Variants in TGM5 observed in about 807,000 individuals in gnomAD.
TGM5 encodes the protein transglutaminase 5.
A neutral mutation model predicts 77.2 loss-of-function variants in TGM5; 69 were observed. The observed-to-expected ratio is 0.89, with a 90% CI of 0.74 to 1.09. TGM5 has a LOEUF of 1.09. TGM5 is among the 50% of genes least tolerant of loss of function. The pLI, the probability that TGM5 is intolerant of heterozygous loss-of-function variation, is 0.00. For missense variants in TGM5, 842 were observed against 896.5 expected, an observed-to-expected ratio of 0.94 and a Z score of 0.78; for synonymous variants, 346 against 351.8, an observed-to-expected ratio of 0.98 and a Z score of 0.18.
intron 1 of TGM5, among the ~76,000 whole-genome samples, chr15:43,261,521 AAC>A (rs1408432485): frequency 6.6e-6 from 1 of 152,162 alleles, no homozygotes; most frequent in Non-Finnish European, 1.5e-5. Flanking sequence ...CCTCTGCTAA[AAC>A]ACAGACTGAC....
chr15:43,264,911 G>A (rs1000780407), intron 1 of TGM5, among the ~76,000 whole-genome samples: 14 of 152,088 alleles, frequency 9.2e-5, no homozygotes, highest in Non-Finnish European at 1.8e-4. Flanking sequence ...TCATAAACTA[G>A]TTTTTTATTA....
chr15:43,265,492 C>T (rs112408814), intron 1 of TGM5, among the ~76,000 whole-genome samples: 2,390 of 152,322 alleles, frequency 0.016, 49 homozygotes, highest in African/African-American at 0.054. Flanking sequence ...GACAAAATTC[C>T]ATCCTCTAGA....
intron 6 of TGM5, among the ~76,000 whole-genome samples, chr15:43,241,729 G>T (rs1339934065): frequency 6.6e-6 from 1 of 151,928 alleles, no homozygotes; most frequent in Non-Finnish European, 1.5e-5. Flanking sequence ...CTCCTCCCGG[G>T]TTCAAGCAAT....
intron 11 of TGM5, 77 bp from the exon 12 acceptor site, chr15:43,233,764 G>T: frequency 6.4e-7 from 1 of 1,568,664 alleles, no homozygotes; most frequent in Non-Finnish European, 8.7e-7. Context: ...GCACCATTCT[G>T]TAAGGTGGCA....
chr15:43,258,010 T>C (rs1023829734), intron 3 of TGM5, among the ~76,000 whole-genome samples: 75 of 152,004 alleles, frequency 4.9e-4, no homozygotes, highest in Non-Finnish European at 3.2e-4. Flanking sequence ...TTCTCACTCA[T>C]AGGTGGGAAT....
intron 1 of TGM5, among the ~76,000 whole-genome samples, chr15:43,262,434 C>T (rs1346324563): frequency 2.6e-5 from 4 of 152,142 alleles, no homozygotes; most frequent in Non-Finnish European, 4.4e-5. Context: ...AGTGAATCAG[C>T]GAATTCAACA....
Position 43,235,513 on chromosome 15 carries a change from G to A in TGM5, c.1670C>T (p.Pro557Leu). ...GATGAACGCTGTGTCCTGCCAGAAT[G>A]GGGACAGGGGGCTGCCATCGTGCAG... ...SLLHDGSPLS[P>L]FWQDTAFITL... The change falls in exon 10 of 13, where the codon CCA becomes CTA. Residue 557 changes from proline (P) to leucine (L), a missense_variant. Pro to Leu is a moderately conservative substitution (Grantham distance 98). Coordinates refer to ENST00000220420, the MANE Select transcript of TGM5 (RefSeq NM_201631.4). The A allele has an allele frequency of 2.5e-6, 4 of 1,614,192 alleles. No individual in the cohort carries two copies. Among genetic ancestry groups the A allele is most frequent in the Non-Finnish European group, 3.4e-6 (4 of 1,180,030 alleles).
rs2042777710 is a variant in TGM5 at position 43,260,507 on chromosome 15, A to G, written c.83T>C (p.Val28Ala). The change falls in exon 2 of 13, where the codon GTG (valine) becomes GCG (alanine). Residue 28 changes from valine (V) to alanine (A), a missense_variant. This residue lies in a region of TGM5 where 815 missense variants were observed against 844.6 expected (regional missense o/e 0.96). Transcript: ENST00000220420. ...NVRHHTEEIT[V>A]DHLLVRRGQA... ...GCCCCGGCGAACAAGCAGGTGGTCC[A>G]CAGTGATCTCCTCCGTGTGGTGCCG... 2 of 1,614,188 alleles carry G rather than the reference A, an allele frequency of 1.2e-6. No homozygotes were observed. The highest frequency in any genetic ancestry group is 1.1e-5 in the South Asian group (1 of 91,072).
intron 10 of TGM5, 68 bp downstream of exon 10, chr15:43,235,401 T>TTGGC (rs1831385402): frequency 6.2e-7 from 1 of 1,610,342 alleles, no homozygotes; most frequent in Non-Finnish European, 8.5e-7. Flanking sequence ...CAGAACCCTG[T>TTGGC]TGGCTGGCTT....
chr15:43,240,794 C>A (rs2042629715), intron 7 of TGM5, 58 bp downstream of exon 7: 1 of 1,610,626 alleles, frequency 6.2e-7, no homozygotes. Flanking sequence ...CTTCCTCCTG[C>A]CATGGGGCTT....
chr15:43,260,531 C>G lies in TGM5; in HGVS notation c.59G>C (p.Arg20Pro), dbSNP rs750713894. The G allele has an allele frequency of 1.2e-6, 2 of 1,614,106 alleles. No homozygotes were observed. The highest frequency in any genetic ancestry group is 2.2e-5 in the East Asian group (1 of 44,876). ...CACAGTGATCTCCTCCGTGTGGTGC[C>G]GCACATTATTTCTGGAGCTCTGGAG... is the stretch of plus-strand genomic sequence containing the variant. ...TDLQSSRNNV[R>P]HHTEEITVDH... Residue 20 changes from arginine to proline, a missense_variant, in exon 2 of 13, where the codon CGG (arginine) becomes CCG (proline). Coordinates refer to ENST00000220420, the MANE Select transcript of TGM5 (RefSeq NM_201631.4).
intron 6 of TGM5, among the ~76,000 whole-genome samples, chr15:43,249,389 C>A (rs2042689619): frequency 6.6e-6 from 1 of 152,216 alleles, no homozygotes; most frequent in South Asian, 2.1e-4. Context: ...ATTTTCACCT[C>A]AAAAGGAAAC....
intron 6 of TGM5, among the ~76,000 whole-genome samples, chr15:43,244,452 C>T (rs1434262391): frequency 6.6e-6 from 1 of 152,100 alleles, no homozygotes; most frequent in African/African-American, 2.4e-5. Context: ...CTGAGTCCCT[C>T]GTGAAAGAGA....
At chr15:43,233,976 C>T (rs1290549642) in intron 11 of TGM5, among the ~76,000 whole-genome samples, 2 of 149,728 alleles carry the variant, frequency 1.3e-5, no homozygotes, top group African/African-American at 2.5e-5. Flanking sequence ...CAGACCTTTA[C>T]GAGCCTGGAG....
intron 9 of TGM5, among the ~76,000 whole-genome samples, chr15:43,237,399 C>T (rs1170623332): frequency 2.0e-5 from 3 of 152,184 alleles, no homozygotes; most frequent in Non-Finnish European, 4.4e-5. Flanking sequence ...GGATAAACAC[C>T]CTAGCCCCTG....
chr15:43,239,258 T>C lies in TGM5; in HGVS notation c.1010A>G (p.His337Arg). ...GGCCATCCAGCACTCATTCCAGACA[T>C]GGAAGTTCCTGTGTCAAACAGAGCC... ...NKKKDTIWNF[H>R]VWNECWMARK... Residue 337 changes from histidine to arginine, a missense_variant, in exon 8 of 13, where the codon CAT becomes CGT. Transcript: ENST00000220420. The C allele has an allele frequency of 3.1e-6, 5 of 1,614,094 alleles. No individual in the cohort carries two copies. In the South Asian group the frequency reaches 4.4e-5, roughly 14 times the overall value.
intron 9 of TGM5, 87 bp from the exon 10 acceptor site, chr15:43,235,924 C>T: frequency 6.4e-7 from 1 of 1,571,976 alleles, no homozygotes; most frequent in Non-Finnish European, 8.7e-7. Flanking sequence ...CCCAATATCT[C>T]CACCAACAAC....
Position 43,235,605 on chromosome 15 carries a change from G to A in TGM5, c.1578C>T (p.Val526=), listed in dbSNP as rs116497647. The A allele has an allele frequency of 6.2e-7, 1 of 1,614,202 alleles. No homozygotes were observed. The highest frequency in any genetic ancestry group is 2.2e-5 in the East Asian group (1 of 44,886). The change falls in exon 10 of 13, where the codon GTC becomes GTT. Residue 526 remains valine (V), a synonymous_variant. Coordinates refer to ENST00000220420, the MANE Select transcript of TGM5 (RefSeq NM_201631.4). ...PPNMGQDICF[V]LLALNMSSQF... ...GGGAGGACATGTTGAGGGCCAGCAGGACAAAGCATATATCCTGGCCCATGT... is the reference window on the plus strand; with the variant it reads ...GGGAGGACATGTTGAGGGCCAGCAGAACAAAGCATATATCCTGGCCCATGT...
chr15:43,251,266 G>A (rs1043436730), intron 6 of TGM5, among the ~76,000 whole-genome samples: 1 of 151,960 alleles, frequency 6.6e-6, no homozygotes, highest in Admixed American at 6.6e-5. Flanking sequence ...TGCAGCTGCA[G>A]AGGAGTAATC....
Sources: gnomAD v4.1 joint callset for allele counts (sites outside exome capture counted in the v4.1 genomes callset) on GRCh38, gnomAD v4.1.1 for gene constraint, gnomAD v4.1.1 regional missense constraint, MANE v1.5 for transcripts, NCBI Gene and HGNC (gene_info 2026-07-23, HGNC 2026-07-21) for gene names.